Variants in EPHB1 observed in about 807,000 individuals in gnomAD.
EPHB1 encodes the protein ephrin type-B receptor 1.
A neutral mutation model predicts 94.4 loss-of-function variants in EPHB1; 30 were observed. The ratio of observed to expected loss-of-function variants is 0.32; its 90% CI spans 0.24 to 0.43. EPHB1 has a LOEUF of 0.43. EPHB1 is among the 20% of genes least tolerant of loss of function. The probability of loss-of-function intolerance (pLI) is 1.00; values close to 1 mark genes in which losing one functional copy is unlikely to be tolerated. For missense variants in EPHB1, 1,055 were observed against 1,308.3 expected (o/e 0.81, Z 2.99); for synonymous variants, 522 against 489.1 (o/e 1.07, Z -0.89).
At chr3:135,138,419 A>G (rs955083876) in intron 5 of EPHB1, among the ~76,000 whole-genome samples, 9 of 152,234 alleles carry the variant, frequency 5.9e-5, no homozygotes, top group African/African-American at 2.2e-4. Context: ...TAAATATAGT[A>G]TTTGCATGCA....
intron 5 of EPHB1, among the ~76,000 whole-genome samples, chr3:135,141,712 T>G (rs1452586679): frequency 1.3e-5 from 2 of 152,086 alleles, no homozygotes; most frequent in East Asian, 3.9e-4. Context: ...TGAGGCATGC[T>G]ATGAAGTTTG....
chr3:134,865,435 A>G (rs1005097863), intron 1 of EPHB1, among the ~76,000 whole-genome samples: 9 of 152,168 alleles, frequency 5.9e-5, no homozygotes, highest in Admixed American at 1.3e-4. Context: ...GGCAATATCT[A>G]TCAAATTTAC....
Position 135,245,513 on chromosome 3 carries a change from CAAAAA to C in EPHB1, c.2497-2784_2497-2780del, listed in dbSNP as rs57521935. On this transcript the variant is annotated intron_variant, in intron 13 of 15. Coordinates refer to ENST00000398015, the MANE Select transcript of EPHB1 (RefSeq NM_004441.5). ...CAAAAACAAATACCAGAACAGTCTT[CAAAAA>C]AAAAAAAAAAAAAAAAAATCGGCCC... Among the ~76,000 whole-genome samples, 74 of 124,020 alleles carry C rather than the reference CAAAAA, an allele frequency of 6.0e-4. 1 individual carries two copies. The highest frequency in any genetic ancestry group is 2.8e-4 in the Non-Finnish European group (17 of 61,614). 81.4% of individuals were successfully genotyped at this position (124,020 alleles called of 152,430 possible). A position where few individuals can be genotyped will look rare whatever the true frequency, so the allele number is the denominator to read the frequency against.
intron 3 of EPHB1, among the ~76,000 whole-genome samples, chr3:134,961,562 G>A (rs1310702746): frequency 6.6e-6 from 1 of 152,154 alleles, no homozygotes; most frequent in Non-Finnish European, 1.5e-5. Context: ...GTTGTCATCA[G>A]TCTCTCTCAT....
chr3:134,873,760 A>C (rs554517504), intron 1 of EPHB1, among the ~76,000 whole-genome samples: 2 of 152,238 alleles, frequency 1.3e-5, no homozygotes, highest in Non-Finnish European at 2.9e-5. Flanking sequence ...GATGTTAAGA[A>C]GGGAAGTTGG....
chr3:134,938,749 T>C (rs2039059763), intron 2 of EPHB1, among the ~76,000 whole-genome samples: 1 of 152,172 alleles, frequency 6.6e-6, no homozygotes, highest in Non-Finnish European at 1.5e-5. Flanking sequence ...TTTAATTACC[T>C]TGCAAGCTTA....
At chr3:135,226,290 T>G (rs1362237994) in intron 12 of EPHB1, among the ~76,000 whole-genome samples, 4 of 152,224 alleles carry the variant, frequency 2.6e-5, no homozygotes, top group African/African-American at 9.6e-5. Flanking sequence ...CTTATGTCCC[T>G]GCCCTACCGC....
chr3:134,822,163 T>C (rs1347286880), intron 1 of EPHB1, among the ~76,000 whole-genome samples: 1 of 152,302 alleles, frequency 6.6e-6, no homozygotes, highest in East Asian at 1.9e-4. Context: ...CCCTTCCCTC[T>C]GCTTGACCAC....
At chr3:134,810,224 G>A (rs914276141) in intron 1 of EPHB1, among the ~76,000 whole-genome samples, 4 of 151,510 alleles carry the variant, frequency 2.6e-5, no homozygotes, top group Non-Finnish European at 4.4e-5. Context: ...CTGGTTTTTG[G>A]CAATTAACAT....
chr3:134,808,933 G>A (rs115984427), intron 1 of EPHB1, among the ~76,000 whole-genome samples: 2,810 of 152,352 alleles, frequency 0.018, 39 homozygotes, highest in Non-Finnish European at 0.028. Context: ...ATTTCTCACT[G>A]TAATCCCCTG....
At chr3:135,092,512 G>A (rs1028755378) in intron 3 of EPHB1, among the ~76,000 whole-genome samples, 4 of 152,158 alleles carry the variant, frequency 2.6e-5, no homozygotes, top group African/African-American at 9.7e-5. Flanking sequence ...TCTGCCCTCT[G>A]AGAACTGATA....
intron 1 of EPHB1, among the ~76,000 whole-genome samples, chr3:134,810,613 T>A (rs943670946): frequency 6.6e-6 from 1 of 152,198 alleles, no homozygotes; most frequent in Non-Finnish European, 1.5e-5. Flanking sequence ...AGCAAGTGTT[T>A]CCAAGGAGGC....
chr3:135,015,751 T>C (rs1332797918), intron 3 of EPHB1, among the ~76,000 whole-genome samples: 1 of 152,160 alleles, frequency 6.6e-6, no homozygotes, highest in Admixed American at 6.5e-5. Flanking sequence ...TAAATAAAGA[T>C]GGAGTGTGTC....
intron 3 of EPHB1, among the ~76,000 whole-genome samples, chr3:135,087,858 A>C (rs1938415958): frequency 6.6e-6 from 1 of 151,796 alleles, no homozygotes; most frequent in East Asian, 1.9e-4. Context: ...CAGCATTTAC[A>C]CTCTATTCAT....
At position 135,159,402 on chromosome 3, in the gene EPHB1, T is replaced by A. The variant is rs3772644; in HGVS notation, c.1423-2616T>A. Among the ~76,000 whole-genome samples, 128 of 152,366 alleles carry A rather than the reference T, an allele frequency of 8.4e-4. No homozygotes were observed. The East Asian group carries it at 0.023, about 28-fold the overall frequency. The stretch of plus-strand genomic sequence containing the variant: ...CAGTTTTTCAATAACAGCTATCCAG[T>A]CACTGCTTCATATTTATCAGCCAGT... On this transcript the variant is annotated intron_variant, in intron 6 of 15. Transcript: ENST00000398015.
chr3:134,964,337 A>G (rs1359888497), intron 3 of EPHB1, among the ~76,000 whole-genome samples: 3 of 152,238 alleles, frequency 2.0e-5, no homozygotes, highest in Non-Finnish European at 4.4e-5. Context: ...ATATAGTGAC[A>G]CATTGTGCAC....
At chr3:134,892,706 C>T (rs1444522238) in intron 1 of EPHB1, among the ~76,000 whole-genome samples, 2 of 152,056 alleles carry the variant, frequency 1.3e-5, no homozygotes, top group African/African-American at 4.8e-5. Context: ...TCTTTTCTGA[C>T]TCTAGACATC....
intron 12 of EPHB1, among the ~76,000 whole-genome samples, chr3:135,228,639 T>C (rs1943457946): frequency 6.6e-6 from 1 of 152,162 alleles, no homozygotes; most frequent in Admixed American, 6.5e-5. Context: ...CTTAATATTC[T>C]TATCTCTCAA....
intron 1 of EPHB1, among the ~76,000 whole-genome samples, chr3:134,802,701 C>T (rs1180778738): frequency 1.3e-5 from 2 of 152,190 alleles, no homozygotes; most frequent in African/African-American, 4.8e-5. Context: ...TGCCAGATGC[C>T]TCTCACTGTA....
Sources: gnomAD v4.1 joint callset for allele counts (sites outside exome capture counted in the v4.1 genomes callset) on GRCh38, gnomAD v4.1.1 for gene constraint, MANE v1.5 for transcripts, NCBI Gene and HGNC (gene_info 2026-07-23, HGNC 2026-07-21) for gene names.